MBNL2: variants seen among roughly 807,000 people sequenced by gnomAD.
MBNL2 encodes the protein muscleblind like splicing regulator 2, also known as muscleblind-like protein 2.
A neutral mutation model predicts 41.9 loss-of-function variants in MBNL2; 17 were observed. That is an observed-to-expected ratio of 0.41 (90% CI 0.28 to 0.61). The LOEUF is 0.61. Among genes scored for constraint, MBNL2 ranks in the 20% least tolerant of loss-of-function variants. The pLI, the probability that MBNL2 is intolerant of heterozygous loss-of-function variation, is 0.35. For synonymous variants in MBNL2, 195 were observed against 182.9 expected, an observed-to-expected ratio of 1.07 and a Z score of -0.53; for missense variants, 336 against 505.6, an observed-to-expected ratio of 0.66 and a Z score of 3.22.
At chr13:97,356,334 C>T (rs780964474) in intron 5 of MBNL2, among the ~76,000 whole-genome samples, 2 of 152,130 alleles carry the variant, frequency 1.3e-5, no homozygotes, top group Non-Finnish European at 2.9e-5. Flanking sequence ...CAACTTGGGT[C>T]ATATCCTTAC....
At chr13:97,247,852 A>T (rs1457244178) in intron 1 of MBNL2, among the ~76,000 whole-genome samples, 2 of 152,222 alleles carry the variant, frequency 1.3e-5, no homozygotes, top group Non-Finnish European at 2.9e-5. Context: ...ATATAGGTTT[A>T]CCCAAATCTA....
At chr13:97,226,907 C>T (rs897547212) in intron 1 of MBNL2, among the ~76,000 whole-genome samples, 1 of 152,130 alleles carries the variant, frequency 6.6e-6, no homozygotes, top group Non-Finnish European at 1.5e-5. Context: ...AGACTCCTGT[C>T]CCACACTTCT....
At chr13:97,343,998 G>A (rs1178850975) in intron 4 of MBNL2, among the ~76,000 whole-genome samples, 1 of 152,126 alleles carries the variant, frequency 6.6e-6, no homozygotes, top group Non-Finnish European at 1.5e-5. Flanking sequence ...TAGAGACAGG[G>A]TTTCTCCATG....
the MBNL2 span, among the ~76,000 whole-genome samples, chr13:97,159,446 T>C: frequency 6.6e-6 from 1 of 152,094 alleles, no homozygotes; most frequent in Non-Finnish European, 1.5e-5. Flanking sequence ...ATTATGATGT[T>C]AGCTGGTTAT....
intron 7 of MBNL2, among the ~76,000 whole-genome samples, chr13:97,360,414 C>CT (rs901181404): frequency 1.5e-4 from 22 of 151,320 alleles, no homozygotes; most frequent in African/African-American, 3.4e-4. Context: ...TGGGAGTTTT[C>CT]TTTTTTTTTC....
chr13:97,374,009 T>C (rs1243699626), intron 8 of MBNL2, among the ~76,000 whole-genome samples: 3 of 150,466 alleles, frequency 2.0e-5, no homozygotes, highest in Non-Finnish European at 4.4e-5. Flanking sequence ...ATGCGGCACA[T>C]TCCTGCCTGT....
intron 1 of MBNL2, among the ~76,000 whole-genome samples, chr13:97,239,199 C>A (rs1013614552): frequency 1.3e-5 from 2 of 152,146 alleles, no homozygotes; most frequent in Admixed American, 6.6e-5. Context: ...TTAGCTTTTC[C>A]CTTCATACTA....
At chr13:97,224,867 AT>A (rs982594011) in intron 1 of MBNL2, among the ~76,000 whole-genome samples, 10 of 152,204 alleles carry the variant, frequency 6.6e-5, no homozygotes, top group Non-Finnish European at 1.2e-4. Context: ...TGTTGTTTGC[AT>A]TTTTTCCATC....
the MBNL2 span, chr13:97,172,694 T>C: frequency 6.6e-6 from 1 of 152,142 alleles, no homozygotes. Context: ...GAATAGTGTG[T>C]AAATAAGAGG....
intron 7 of MBNL2, among the ~76,000 whole-genome samples, chr13:97,363,600 A>C (rs2063604837): frequency 6.6e-6 from 1 of 152,096 alleles, no homozygotes; most frequent in South Asian, 2.1e-4. Flanking sequence ...TTTTCTGTGG[A>C]TTGGCATTCA....
intron 1 of MBNL2, among the ~76,000 whole-genome samples, chr13:97,227,302 T>C (rs1451159595): frequency 6.6e-6 from 1 of 152,136 alleles, no homozygotes; most frequent in Non-Finnish European, 1.5e-5. Flanking sequence ...GGGCATTGAC[T>C]GCAAGCTGGT....
the MBNL2 span, among the ~76,000 whole-genome samples, chr13:97,155,859 G>A: frequency 2.7e-4 from 40 of 146,822 alleles, no homozygotes; most frequent in Middle Eastern, 7.0e-3. Context: ...ATAAACATAC[G>A]TGTGCATGTG....
intron 1 of MBNL2, among the ~76,000 whole-genome samples, chr13:97,274,311 A>G (rs2051717859): frequency 1.3e-5 from 2 of 152,288 alleles, no homozygotes; most frequent in South Asian, 4.1e-4. Context: ...CAACATGGTG[A>G]AACCATGAAA....
chr13:97,363,418 C>CTGTGTGTGTGTGTG (rs55745808), intron 7 of MBNL2, among the ~76,000 whole-genome samples: 41 of 136,732 alleles, frequency 3.0e-4, no homozygotes, highest in African/African-American at 7.3e-4. Context: ...GAAAGAAAAA[C>CTGTGTGTGTGTGTG]TGTGTGTGTG....
chr13:97,218,421 A>AAAAC (rs1452673761), upstream of MBNL2, among the ~76,000 whole-genome samples: 4 of 28,018 alleles, frequency 1.4e-4, no homozygotes, highest in African/African-American at 4.0e-4. Context: ...AAAAAAAACA[A>AAAAC]AAACAAAACA....
chr13:97,292,167 C>T (rs567746706), intron 2 of MBNL2, among the ~76,000 whole-genome samples: 37 of 146,634 alleles, frequency 2.5e-4, no homozygotes, highest in Admixed American at 1.3e-3. Flanking sequence ...CGCCACTGCA[C>T]TCCAGCCTGG....
the MBNL2 span, among the ~76,000 whole-genome samples, chr13:97,203,515 G>C: frequency 1.3e-5 from 2 of 152,216 alleles, no homozygotes; most frequent in South Asian, 2.1e-4. Context: ...CAAGGTCTTT[G>C]TGCTGGCTTT....
At chr13:97,252,145 C>T (rs1273284963) in intron 1 of MBNL2, among the ~76,000 whole-genome samples, 13 of 152,072 alleles carry the variant, frequency 8.5e-5, no homozygotes, top group Non-Finnish European at 1.6e-4. Flanking sequence ...CCACCGCGCC[C>T]GGCCGTATCC....
At chr13:97,219,843 AG>A (rs1331069945), upstream of MBNL2, among the ~76,000 whole-genome samples, 6 of 152,222 alleles carry the variant, frequency 3.9e-5, no homozygotes, top group Non-Finnish European at 8.8e-5. Context: ...AAAGGTTTGA[AG>A]GGGTCAAGAA....
Sources: gnomAD v4.1 joint callset for allele counts (sites outside exome capture counted in the v4.1 genomes callset) on GRCh38, gnomAD v4.1.1 for gene constraint, MANE v1.5 for transcripts, NCBI Gene and HGNC (gene_info 2026-07-23, HGNC 2026-07-21) for gene names.